The following GCC2 variants were observed in gnomAD, a reference collection of about 807,000 sequenced individuals.
GCC2 encodes GRIP and coiled-coil domain-containing protein 2.
GCC2 carries 120 observed loss-of-function variants against 210.6 expected under a neutral mutation model. The observed-to-expected ratio is 0.57, with a 90% CI of 0.49 to 0.66. GCC2 has a LOEUF of 0.66. Among genes scored for constraint, GCC2 ranks in the 30% least tolerant of loss-of-function variants. The probability of loss-of-function intolerance (pLI) is 0.00; values close to 1 mark genes in which losing one functional copy is unlikely to be tolerated. For synonymous variants in GCC2, 703 were observed against 652.7 expected (o/e 1.08, Z -1.17); for missense variants, 1,868 against 1,871.9 (o/e 1.00, Z 0.04).
At chr2:108,505,938 C>T (rs1683161163) in intron 22 of GCC2, among the ~76,000 whole-genome samples, 1 of 152,122 alleles carries the variant, frequency 6.6e-6, no homozygotes, top group South Asian at 2.1e-4. Context: ...GAAAATGCTA[C>T]TCTGCCTAAG....
intron 4 of GCC2, among the ~76,000 whole-genome samples, chr2:108,461,354 T>G (rs1680559470): frequency 6.6e-6 from 1 of 152,152 alleles, no homozygotes; most frequent in South Asian, 2.1e-4. Context: ...GGCAGTGGAC[T>G]ATAAATATGC....
At chr2:108,489,680 A>G (rs1682312979) in intron 17 of GCC2, among the ~76,000 whole-genome samples, 158 bp from the exon 18 acceptor site, 1 of 150,306 alleles carries the variant, frequency 6.7e-6, no homozygotes, top group African/African-American at 2.4e-5. Flanking sequence ...ATATCTTTTT[A>G]TTATGTTTAA....
At chr2:108,450,909 G>C (rs1011386611) in intron 2 of GCC2, 119 bp from the exon 3 acceptor site, 10 of 669,698 alleles carry the variant, frequency 1.5e-5, no homozygotes, top group Non-Finnish European at 2.6e-5. Context: ...CAAAGTATGC[G>C]GTTGGCATAA....
At chr2:108,485,438 A>AT (rs1418583123) in intron 13 of GCC2, among the ~76,000 whole-genome samples, 198 bp from the exon 14 acceptor site, 9 of 152,052 alleles carry the variant, frequency 5.9e-5, no homozygotes, top group Non-Finnish European at 1.3e-4. Context: ...ATGGGTTGTA[A>AT]TTGTTACAGC....
chr2:108,492,737 T>C lies in GCC2; in HGVS notation c.4394T>C (p.Leu1465Pro). The C allele has an allele frequency of 6.2e-7, 1 of 1,613,986 alleles. No individual in the cohort carries two copies. The highest frequency in any genetic ancestry group is 8.5e-7 in the Non-Finnish European group (1 of 1,179,934). The change falls in exon 19 of 23, where the codon CTC becomes CCC. Residue 1465 changes from leucine (L) to proline (P), a missense_variant. Physicochemically the swap from Leu to Pro is moderately conservative, Grantham distance 98. This residue lies in a region of GCC2 where 1,847 missense variants were observed against 1,765.2 expected (regional missense o/e 1.05). Transcript: ENST00000309863. ...RKTVETLQQQ[L>P]SKMEAQLFQL... Reference sequence around the variant, plus strand: ...ACAGTGGAGACATTACAGCAGCAGCTCTCCAAGATGGAAGCACAGCTCTTC... The same window carrying C: ...ACAGTGGAGACATTACAGCAGCAGCCCTCCAAGATGGAAGCACAGCTCTTC...
intron 19 of GCC2, chr2:108,493,908 G>T (rs752314099): frequency 2.3e-4 from 229 of 985,356 alleles, no homozygotes; most frequent in Non-Finnish European, 2.7e-4. Flanking sequence ...GGGCAGTCAG[G>T]ACTAAGGCAA....
intron 4 of GCC2, among the ~76,000 whole-genome samples, chr2:108,467,885 A>C (rs961795495): frequency 6.6e-6 from 1 of 152,058 alleles, no homozygotes; most frequent in African/African-American, 2.4e-5. Flanking sequence ...CACCTTAAAA[A>C]CCATCTATTC....
chr2:108,472,846 C>A lies in GCC2; in HGVS notation c.2807C>A (p.Pro936His). 1 of 1,589,726 alleles carries A rather than the reference C, an allele frequency of 6.3e-7. No individual in the cohort carries two copies. The highest frequency in any genetic ancestry group is 1.1e-5 in the South Asian group (1 of 87,376). The change falls in exon 7 of 23, where the codon CCT becomes CAT. Residue 936 changes from proline (P) to histidine (H), a missense_variant. Physicochemically the swap from Pro to His is moderately conservative, Grantham distance 77. Transcript: ENST00000309863. Reference sequence around the variant, plus strand: ...ATCTAGGATTCCTTAGCAAAATCACCTTCTGTAAAAAATGATCCTCTGTCT... The same window carrying A: ...ATCTAGGATTCCTTAGCAAAATCACATTCTGTAAAAAATGATCCTCTGTCT... ...ILLKDSLAKSPSVKNDPLSSV... is the reference protein window; with the variant it reads ...ILLKDSLAKSHSVKNDPLSSV...
At chr2:108,481,889 A>G (rs1293064528) in intron 10 of GCC2, 73 bp downstream of exon 10, 1 of 1,140,752 alleles carries the variant, frequency 8.8e-7, no homozygotes. Flanking sequence ...TTGCATAAAA[A>G]ATTTAAAAAA....
Position 108,471,569 on chromosome 2 carries a change from AT to A in GCC2, c.2241del (p.Asn747LysfsTer47), listed in dbSNP as rs1681221131. 1 of 1,609,530 alleles carries A rather than the reference AT, an allele frequency of 6.2e-7. No homozygotes were observed. Among genetic ancestry groups the A allele is most frequent in the Non-Finnish European group, 8.5e-7 (1 of 1,178,594 alleles). ...GATAATTTAAATAAACTGCTTGAAA[AT>A]GAGCAAGTTCAGAAGTTATTTGTTA... is the stretch of plus-strand genomic sequence containing the variant. ...EQDNLNKLLENEQVQKLFVKT... is the reference protein window; with the variant it reads ...EQDNLNKLLEXEQVQKLFVKT... On this transcript the variant is annotated frameshift_variant, in exon 6 of 23. Coordinates refer to ENST00000309863, the MANE Select transcript of GCC2 (RefSeq NM_181453.4). LOFTEE classifies it high-confidence loss of function.
At chr2:108,496,393 G>T (rs1156804899) in intron 20 of GCC2, 2 of 157,390 alleles carry the variant, frequency 1.3e-5, no homozygotes, top group Non-Finnish European at 2.8e-5. Context: ...CTGACCACGT[G>T]GGGTAGAAAC....
chr2:108,453,116 C>A (rs1214319571), intron 4 of GCC2, among the ~76,000 whole-genome samples: 3 of 152,196 alleles, frequency 2.0e-5, no homozygotes, highest in Non-Finnish European at 4.4e-5. Flanking sequence ...AGATCCATAT[C>A]CCTGGACATG....
chr2:108,484,298 A>G lies in GCC2; in HGVS notation c.3600A>G (p.Leu1200=). The G allele has an allele frequency of 6.6e-7, 1 of 1,506,494 alleles. No individual in the cohort carries two copies. Among genetic ancestry groups the G allele is most frequent in the East Asian group, 2.3e-5 (1 of 43,482 alleles). 93.3% of individuals were successfully genotyped at this position (1,506,494 alleles called of 1,614,324 possible). Residue 1200 remains leucine (L), a synonymous_variant, in exon 13 of 23, where the codon CTA becomes CTG. Coordinates refer to ENST00000309863, the MANE Select transcript of GCC2 (RefSeq NM_181453.4). ...IKIQKQKQET[L]QEEITSLQSS... is the part of the protein sequence containing the mutation. ...TTCAAAAACAGAAACAAGAAACCCT[A>G]CAAGAAGAAATAAGTGAGTTAAAGA...
chr2:108,473,712 G>A (rs1271540273), intron 7 of GCC2, among the ~76,000 whole-genome samples: 1 of 152,140 alleles, frequency 6.6e-6, no homozygotes, highest in Non-Finnish European at 1.5e-5. Context: ...TGTCTATAAT[G>A]GGTGATTGGG....
intron 5 of GCC2, chr2:108,469,366 T>C: frequency 2.3e-6 from 1 of 430,112 alleles, no homozygotes; most frequent in East Asian, 3.7e-5. Flanking sequence ...TAAATACCAT[T>C]ATCTCTTTAG....
chr2:108,494,771 T>G (rs986400014), intron 19 of GCC2: 10 of 152,558 alleles, frequency 6.6e-5, no homozygotes, highest in African/African-American at 2.2e-4. Context: ...TAGCTTCTAT[T>G]AAAATGAGTA....
chr2:108,465,401 A>C (rs1413999631), intron 4 of GCC2, among the ~76,000 whole-genome samples: 2 of 152,144 alleles, frequency 1.3e-5, no homozygotes, highest in Non-Finnish European at 2.9e-5. Context: ...TTTTTGTTAC[A>C]TGGATGAATT....
Position 108,449,669 on chromosome 2 carries a change from C to G in GCC2, c.43C>G (p.Pro15Ala). ...AGATGGGGTGGCTTCACCAGCTACC[C>G]CTGGGACCGGGAAATCTAAGGTGAA... ...VQDGVASPAT[P>A]GTGKSKLETL... Residue 15 changes from proline to alanine, a missense_variant, in exon 2 of 23, where the codon CCT becomes GCT. By Grantham distance (27) the Pro-to-Ala change is conservative. This residue lies in a region of GCC2 where 1,847 missense variants were observed against 1,765.2 expected (regional missense o/e 1.05). Transcript: ENST00000309863. 1 of 1,613,640 alleles carries G rather than the reference C, an allele frequency of 6.2e-7. No homozygotes were observed. The highest frequency in any genetic ancestry group is 1.3e-5 in the African/African-American group (1 of 74,992).
intron 9 of GCC2, among the ~76,000 whole-genome samples, chr2:108,476,659 C>T (rs1440705357): frequency 6.6e-6 from 1 of 151,998 alleles, no homozygotes; most frequent in Non-Finnish European, 1.5e-5. Flanking sequence ...TAAAGTACAA[C>T]AAAATCACTG....
Sources: gnomAD v4.1 joint callset for allele counts (sites outside exome capture counted in the v4.1 genomes callset) on GRCh38, gnomAD v4.1.1 for gene constraint, gnomAD v4.1.1 regional missense constraint, MANE v1.5 for transcripts, NCBI Gene and HGNC (gene_info 2026-07-23, HGNC 2026-07-21) for gene names.